The following C5 variants were observed in gnomAD, a reference collection of about 807,000 sequenced individuals.
The protein encoded by C5 is C3 and PZP-like alpha-2-macroglobulin domain-containing protein 4.
A neutral mutation model predicts 218.8 loss-of-function variants in C5; 140 were observed. The observed-to-expected ratio is 0.64, with a 90% CI of 0.56 to 0.74. The LOEUF is 0.74. Ranked by LOEUF, C5 falls within the 30% of genes least tolerant of loss-of-function variation. The pLI is 0.00. For synonymous variants in C5, 614 were observed against 682.3 expected (o/e 0.90, Z 1.56); for missense variants, 1,700 against 1,969.6 (o/e 0.86, Z 2.59).
At chr9:120,969,648 G>T (rs1023337786) in intron 32 of C5, among the ~76,000 whole-genome samples, 5 of 152,064 alleles carry the variant, frequency 3.3e-5, no homozygotes, top group African/African-American at 1.2e-4. Flanking sequence ...AAGGGTCAGG[G>T]GTACATTTAA....
At chr9:121,063,413 G>A in the C5 span, among the ~76,000 whole-genome samples, 7 of 151,862 alleles carry the variant, frequency 4.6e-5, no homozygotes, top group Admixed American at 1.3e-4. Context: ...ATGGTAAGAC[G>A]TAGCTCTTAC....
At chr9:121,024,583 A>G (rs895837436) in intron 9 of C5, among the ~76,000 whole-genome samples, 1 of 151,542 alleles carries the variant, frequency 6.6e-6, no homozygotes, top group Non-Finnish European at 1.5e-5. Flanking sequence ...TTCACCATCT[A>G]CTCTTCTTCA....
intron 8 of C5, among the ~76,000 whole-genome samples, chr9:121,026,722 C>G (rs1420392221): frequency 6.6e-6 from 1 of 152,154 alleles, no homozygotes; most frequent in Non-Finnish European, 1.5e-5. Flanking sequence ...AGAGGCTATA[C>G]AGCCGGGGCA....
rs1205385615 is a variant in C5 at position 120,980,341 on chromosome 9, G to A, written c.3487-87C>T. 5.9e-6 allele frequency: 7 copies of A among 1,180,022 alleles called. No homozygotes were observed. In the Admixed American group the frequency reaches 1.0e-4, roughly 17 times the overall value. 73.1% of individuals were successfully genotyped at this position (1,180,022 alleles called of 1,614,324 possible). ...ACTACCCTCAGATCCCACTATCCTGGAGCAAGCAATATGGGGGTGAAAAGA... is the reference window on the plus strand; with the variant it reads ...ACTACCCTCAGATCCCACTATCCTGAAGCAAGCAATATGGGGGTGAAAAGA... On this transcript the variant is annotated intron_variant, in intron 27 of 40. Coordinates refer to ENST00000223642, the MANE Select transcript of C5 (RefSeq NM_001735.3).
chr9:120,980,197 C>T lies in C5; in HGVS notation c.3544G>A (p.Ala1182Thr). 1 of 1,614,122 alleles carries T rather than the reference C, an allele frequency of 6.2e-7. No individual in the cohort carries two copies. The highest frequency in any genetic ancestry group is 8.5e-7 in the Non-Finnish European group (1 of 1,179,990). Residue 1182 changes from alanine (A) to threonine (T), a missense_variant, in exon 28 of 41, where the codon GCC becomes ACC. Ala to Thr is a moderately conservative substitution (Grantham distance 58). Transcript: ENST00000223642. ...DNFLLENTLP[A>T]QSTFTLAISA... Reference sequence around the variant, plus strand: ...ATGGCCAATGTAAAGGTGCTCTGGGCTGGCAGTGTATTTTCAAGCAGAAAG... The same window carrying T: ...ATGGCCAATGTAAAGGTGCTCTGGGTTGGCAGTGTATTTTCAAGCAGAAAG...
intron 8 of C5, among the ~76,000 whole-genome samples, 162 bp downstream of exon 8, chr9:121,026,998 G>A (rs1221151832): frequency 6.6e-6 from 1 of 152,108 alleles, no homozygotes; most frequent in Non-Finnish European, 1.5e-5. Flanking sequence ...CTGATGCCAA[G>A]GAAAATGAAC....
chr9:121,070,707 G>A, the C5 span, among the ~76,000 whole-genome samples: 3 of 151,698 alleles, frequency 2.0e-5, no homozygotes, highest in African/African-American at 4.8e-5. Context: ...TAGAACAGAG[G>A]ATACTAAAGG....
At position 120,997,594 on chromosome 9, in the gene C5, C is replaced by G; in HGVS notation, c.2743G>C (p.Glu915Gln). ...IGLHNINFSLETWFGKEILVK... is the reference protein window; with the variant it reads ...IGLHNINFSLQTWFGKEILVK... ...AAGATTTCTTTTCCAAACCAAGTCTCCAGTGAAAAATTGATGTTGTGAAGG... is the reference window on the plus strand; with the variant it reads ...AAGATTTCTTTTCCAAACCAAGTCTGCAGTGAAAAATTGATGTTGTGAAGG... Residue 915 changes from glutamate to glutamine, a missense_variant, in exon 21 of 41, where the codon GAG becomes CAG. Glu to Gln is a conservative substitution (Grantham distance 29, BLOSUM62 2). Coordinates refer to ENST00000223642, the MANE Select transcript of C5 (RefSeq NM_001735.3). 6.2e-7 allele frequency: 1 copy of G among 1,614,038 alleles called. No individual in the cohort carries two copies. The highest frequency in any genetic ancestry group is 8.5e-7 in the Non-Finnish European group (1 of 1,179,992).
the C5 span, among the ~76,000 whole-genome samples, chr9:121,066,732 C>T: frequency 6.6e-6 from 1 of 151,490 alleles, no homozygotes; most frequent in Admixed American, 6.6e-5. Context: ...TGCCTGTAAT[C>T]CCAGCTACTC....
chr9:121,067,003 T>C, the C5 span, among the ~76,000 whole-genome samples: 1 of 152,116 alleles, frequency 6.6e-6, no homozygotes, highest in Non-Finnish European at 1.5e-5. Context: ...TGATGGCTCA[T>C]GCCTGCAATC....
At chr9:120,977,683 G>A (rs1423326481) in intron 28 of C5, among the ~76,000 whole-genome samples, 1 of 152,184 alleles carries the variant, frequency 6.6e-6, no homozygotes, top group East Asian at 1.9e-4. Context: ...GCCTTCCAAA[G>A]TACTGGGATT....
intron 39 of C5, among the ~76,000 whole-genome samples, chr9:120,956,258 C>T (rs138874189): frequency 5.9e-5 from 9 of 151,918 alleles, no homozygotes; most frequent in African/African-American, 1.2e-4. Flanking sequence ...CGTGCCACTG[C>T]GCTCCAGCCT....
rs74382537 is a variant in C5, at chr9:121,024,781, C to T, written c.1000+673G>A. ...GCTTAGAGCTCATATGGAATTCTTT[C>T]TTGCAACAGTTCTTTCTTCACCTGT... On this transcript the variant is annotated intron_variant, in intron 9 of 40. Transcript: ENST00000223642. 2.0e-4 allele frequency among the ~76,000 whole-genome samples: 30 copies of T among 152,298 alleles called. No homozygotes were observed. In the East Asian group the frequency reaches 5.6e-3, roughly 28 times the overall value.
At position 121,015,234 on chromosome 9, in the gene C5, G is replaced by C. The variant is rs761921708; in HGVS notation, c.2024C>G (p.Pro675Arg). The change falls in exon 16 of 41, where the codon CCA becomes CGA. Residue 675 changes from proline (P) to arginine (R), a missense_variant. Pro to Arg is a moderately radical substitution (Grantham distance 103). Coordinates refer to ENST00000223642, the MANE Select transcript of C5 (RefSeq NM_001735.3). ...TATCTTCTTTTGCAGCGTTCTTCTT[G>C]GCCTGAGAATTTCTTTACAAGGTTC... ...NDEPCKEILR[P>R]RRTLQKKIEE... 6.2e-7 allele frequency: 1 copy of C among 1,606,270 alleles called. No individual in the cohort carries two copies. Among genetic ancestry groups the C allele is most frequent in the Non-Finnish European group, 8.5e-7 (1 of 1,174,700 alleles).
At chr9:121,005,770 A>G in intron 20 of C5, 149 bp downstream of exon 20, 1 of 739,590 alleles carries the variant, frequency 1.4e-6, no homozygotes, top group Non-Finnish European at 2.3e-6. Flanking sequence ...ATCCCTACAC[A>G]TATAGTACAA....
chr9:121,017,343 G>T lies in C5; in HGVS notation c.1866+19C>A. ...GCCACACTTCATGCAACACTGCAGCGAGACATGCATTACTTAACTCTTTCC... is the reference window on the plus strand; with the variant it reads ...GCCACACTTCATGCAACACTGCAGCTAGACATGCATTACTTAACTCTTTCC... On this transcript the variant is annotated intron_variant, in intron 14 of 40. Transcript: ENST00000223642. The T allele has an allele frequency of 6.2e-7, 1 of 1,612,988 alleles. No individual in the cohort carries two copies. The highest frequency in any genetic ancestry group is 1.1e-5 in the South Asian group (1 of 91,004).
intron 18 of C5, among the ~76,000 whole-genome samples, 188 bp downstream of exon 18, chr9:121,008,220 C>T (rs1379412876): frequency 1.3e-5 from 2 of 151,952 alleles, no homozygotes; most frequent in African/African-American, 4.8e-5. Context: ...AGCCAATCAC[C>T]AGTACGATGT....
intron 25 of C5, among the ~76,000 whole-genome samples, chr9:120,986,521 T>G (rs189257972): frequency 1.1e-3 from 166 of 152,308 alleles, no homozygotes; most frequent in African/African-American, 3.7e-3. Flanking sequence ...CTATGTCTAT[T>G]ATTTCTTTCA....
intron 33 of C5, among the ~76,000 whole-genome samples, chr9:120,967,515 G>A (rs2046877671): frequency 6.6e-6 from 1 of 152,000 alleles, no homozygotes; most frequent in South Asian, 2.1e-4. Context: ...AGTAAAATCA[G>A]CAAAATGCCA....
Sources: gnomAD v4.1 joint callset for allele counts (sites outside exome capture counted in the v4.1 genomes callset) on GRCh38, gnomAD v4.1.1 for gene constraint, MANE v1.5 for transcripts, NCBI Gene and HGNC (gene_info 2026-07-23, HGNC 2026-07-21) for gene names.